The following GYS2 variants were observed in gnomAD, a reference collection of about 807,000 sequenced individuals.
The protein encoded by GYS2 is glycogen [starch] synthase, liver.
Under a neutral mutation model 85.6 loss-of-function variants are expected in GYS2, and 80 were observed. That is an observed-to-expected ratio of 0.93 (90% CI 0.78 to 1.13). The LOEUF (loss-of-function observed/expected upper bound fraction) is 1.13. Among genes scored for constraint, GYS2 ranks in the 50% most tolerant of loss-of-function variants. The probability of loss-of-function intolerance (pLI) is 0.00; values close to 1 mark genes in which losing one functional copy is unlikely to be tolerated. For missense variants in GYS2, 881 were observed against 854.9 expected (o/e 1.03, Z -0.38); for synonymous variants, 328 against 300.7 (o/e 1.09, Z -0.94).
Position 21,604,784 on chromosome 12 carries a change from T to A in GYS2, c.-192A>T. 1 of 1,376,012 alleles carries A rather than the reference T, an allele frequency of 7.3e-7. No homozygotes were observed. Among genetic ancestry groups the A allele is most frequent in the Non-Finnish European group, 9.4e-7 (1 of 1,058,420 alleles). 85.2% of individuals were successfully genotyped at this position (1,376,012 alleles called of 1,614,324 possible). ...GAATTCCTGGTGGAAGGAGGAATTC[T>A]TCCTCCTCTTTCTCGTCTTTCTGGG... On this transcript the variant is annotated 5_prime_UTR_variant, in exon 1 of 16. In the 5' UTR this introduces an upstream ATG that the reference lacks. Coordinates refer to ENST00000261195, the MANE Select transcript of GYS2 (RefSeq NM_021957.4).
chr12:21,592,642 A>G (rs1218506809), intron 1 of GYS2, among the ~76,000 whole-genome samples: 1 of 152,092 alleles, frequency 6.6e-6, no homozygotes, highest in Non-Finnish European at 1.5e-5. Flanking sequence ...TGTAAAGCAA[A>G]TGTTATTAGA....
chr12:21,540,688 CT>C (rs1004123792), intron 13 of GYS2, 115 bp from the exon 14 acceptor site: 206 of 867,058 alleles, frequency 2.4e-4, no homozygotes, highest in Non-Finnish European at 3.7e-4. Flanking sequence ...TATCTACCCC[CT>C]GACTCAGGAA....
chr12:21,581,665 A>G (rs1944511557), intron 1 of GYS2, among the ~76,000 whole-genome samples: 1 of 152,236 alleles, frequency 6.6e-6, no homozygotes, highest in African/African-American at 2.4e-5. Flanking sequence ...ACAAAGCCAC[A>G]ATATATGGAT....
At chr12:21,557,354 C>T (rs1944192847) in intron 11 of GYS2, among the ~76,000 whole-genome samples, 1 of 152,138 alleles carries the variant, frequency 6.6e-6, no homozygotes, top group East Asian at 1.9e-4. Flanking sequence ...TGGAAGAAAC[C>T]AGCTCTTATT....
rs372054485 is a variant in GYS2, at chr12:21,559,773, C to T, written c.1170-63G>A. ...GACAATGTTTAATCTTTATTTGTCACGATAATGCTATTGTTTTGTTGACAT... is the reference window on the plus strand; with the variant it reads ...GACAATGTTTAATCTTTATTTGTCATGATAATGCTATTGTTTTGTTGACAT... On this transcript the variant is annotated intron_variant, in intron 8 of 15. Transcript: ENST00000261195. 4.4e-5 allele frequency: 44 copies of T among 1,009,166 alleles called. 1 individual carries two copies. The highest frequency in any genetic ancestry group is 4.3e-4 in the African/African-American group (27 of 63,456). The allele number at this position is 1,009,166 out of a possible 1,614,324, so 62.5% of individuals were successfully genotyped here. A position where few individuals can be genotyped will look rare whatever the true frequency, so the allele number is the denominator to read the frequency against.
chr12:21,566,399 T>C (rs1490052706), intron 5 of GYS2, among the ~76,000 whole-genome samples: 1 of 152,066 alleles, frequency 6.6e-6, no homozygotes, highest in Non-Finnish European at 1.5e-5. Flanking sequence ...TGTTTAATGA[T>C]CTACTAAAAG....
At chr12:21,584,806 A>G (rs1298490554) in intron 1 of GYS2, among the ~76,000 whole-genome samples, 1 of 152,212 alleles carries the variant, frequency 6.6e-6, no homozygotes, top group Non-Finnish European at 1.5e-5. Flanking sequence ...ATGGAATCAC[A>G]GAATGCCGTA....
chr12:21,579,115 T>C (rs1432443985), intron 2 of GYS2, among the ~76,000 whole-genome samples: 1 of 152,202 alleles, frequency 6.6e-6, no homozygotes, highest in Non-Finnish European at 1.5e-5. Context: ...AGACCCTGGA[T>C]CAGTCCTTTG....
intron 2 of GYS2, among the ~76,000 whole-genome samples, chr12:21,576,729 C>T (rs549649918): frequency 6.6e-6 from 1 of 152,136 alleles, no homozygotes; most frequent in East Asian, 1.9e-4. Context: ...AATGAATTAG[C>T]TCTCTCATTT....
At chr12:21,590,951 T>G (rs889493798) in intron 1 of GYS2, among the ~76,000 whole-genome samples, 1 of 152,088 alleles carries the variant, frequency 6.6e-6, no homozygotes, top group Non-Finnish European at 1.5e-5. Flanking sequence ...AGTGCCCTAC[T>G]CAATCAACAC....
chr12:21,586,752 G>C (rs1944579068), intron 1 of GYS2, among the ~76,000 whole-genome samples: 1 of 152,140 alleles, frequency 6.6e-6, no homozygotes, highest in African/African-American at 2.4e-5. Flanking sequence ...AAACTTTATG[G>C]AAGACAGCAT....
intron 4 of GYS2, 110 bp from the exon 5 acceptor site, chr12:21,569,119 T>G: frequency 9.6e-7 from 1 of 1,043,350 alleles, no homozygotes. Context: ...GTGTAAAAAT[T>G]TATGACCACA....
At chr12:21,585,560 G>GAAAAAAA (rs36121025) in intron 1 of GYS2, among the ~76,000 whole-genome samples, 17,847 of 114,230 alleles carry the variant, frequency 0.16, 1,246 homozygotes, top group Non-Finnish European at 0.18. Context: ...ACTCCACCAG[G>GAAAAAAA]AAAAAAAAAA....
intron 1 of GYS2, among the ~76,000 whole-genome samples, chr12:21,582,144 CA>C (rs1268393056): frequency 1.3e-5 from 2 of 151,992 alleles, no homozygotes; most frequent in Non-Finnish European, 1.5e-5. Context: ...AACTCAACAA[CA>C]AAAAAACCAA....
chr12:21,603,106 C>G (rs564034103), intron 1 of GYS2, among the ~76,000 whole-genome samples: 1 of 152,140 alleles, frequency 6.6e-6, no homozygotes, highest in East Asian at 1.9e-4. Context: ...AAATTTGTGA[C>G]TAGAAAAAGG....
rs574407010 is a variant in GYS2 at position 21,546,555 on chromosome 12, C to T, written c.1423-85G>A. ...CTCCTACAATTTGGTTATTTCAGTA[C>T]TCTACTATAGAATCCTTATGTTCTA... On this transcript the variant is annotated intron_variant, in intron 11 of 15. Transcript: ENST00000261195. 2.1e-4 allele frequency: 169 copies of T among 815,052 alleles called. No homozygotes were observed. The African/African-American group carries it at 2.3e-3, about 11-fold the overall frequency. 50.5% of individuals were successfully genotyped at this position (815,052 alleles called of 1,614,324 possible). A position where few individuals can be genotyped will look rare whatever the true frequency, so the allele number is the denominator to read the frequency against.
chr12:21,566,847 C>T (rs1211183475), intron 5 of GYS2, among the ~76,000 whole-genome samples: 2 of 152,098 alleles, frequency 1.3e-5, no homozygotes, highest in Non-Finnish European at 2.9e-5. Flanking sequence ...AAAGCTCATG[C>T]TTTGACCACT....
chr12:21,546,293 T>C, intron 12 of GYS2, 51 bp downstream of exon 12: 2 of 1,314,792 alleles, frequency 1.5e-6, no homozygotes, highest in Non-Finnish European at 2.2e-6. Flanking sequence ...GCACATAAAA[T>C]AATATACTAA....
intron 4 of GYS2, among the ~76,000 whole-genome samples, chr12:21,570,575 A>G (rs772785559): frequency 6.6e-6 from 1 of 152,266 alleles, no homozygotes; most frequent in African/African-American, 2.4e-5. Flanking sequence ...CATTTGGACC[A>G]GGATATGAAA....
Sources: gnomAD v4.1 joint callset for allele counts (sites outside exome capture counted in the v4.1 genomes callset) on GRCh38, gnomAD v4.1.1 for gene constraint, MANE v1.5 for transcripts, NCBI Gene and HGNC (gene_info 2026-07-23, HGNC 2026-07-21) for gene names.